The following PTPRD variants were observed in gnomAD, a reference collection of about 807,000 sequenced individuals.
The protein encoded by PTPRD is receptor-type tyrosine-protein phosphatase delta.
Under a neutral mutation model 214.5 loss-of-function variants are expected in PTPRD, and 34 were observed. That is an observed-to-expected ratio of 0.16 (90% CI 0.12 to 0.21). PTPRD has a LOEUF of 0.21. PTPRD is among the 10% of genes least tolerant of loss of function. The pLI is 1.00. For missense variants in PTPRD, 2,545 were observed against 2,398.7 expected (o/e 1.06, Z -1.27); for synonymous variants, 1,128 against 845.7 (o/e 1.33, Z -5.79).
intron 11 of PTPRD, among the ~76,000 whole-genome samples, chr9:8,811,556 C>T (rs2096804134): frequency 6.6e-6 from 1 of 152,064 alleles, no homozygotes; most frequent in Non-Finnish European, 1.5e-5. Flanking sequence ...CACTAAGGAA[C>T]AGAACAATCA....
chr9:9,964,991 A>C (rs2094587042), intron 4 of PTPRD, among the ~76,000 whole-genome samples: 1 of 152,176 alleles, frequency 6.6e-6, no homozygotes, highest in Non-Finnish European at 1.5e-5. Context: ...ATGCTAACAA[A>C]AATTCATAAT....
At chr9:10,376,283 T>C (rs1199053585) in intron 2 of PTPRD, among the ~76,000 whole-genome samples, 6 of 151,918 alleles carry the variant, frequency 3.9e-5, no homozygotes, top group African/African-American at 1.2e-4. Flanking sequence ...TTGGAAACTT[T>C]GGATCTGAAC....
chr9:8,357,427 C>T (rs1315860006), intron 39 of PTPRD, among the ~76,000 whole-genome samples: 1 of 152,140 alleles, frequency 6.6e-6, no homozygotes, highest in African/African-American at 2.4e-5. Context: ...ATTTGGAGAC[C>T]CCAAGCTGCC....
At chr9:9,100,275 C>T (rs1173119203) in intron 10 of PTPRD, among the ~76,000 whole-genome samples, 3 of 152,062 alleles carry the variant, frequency 2.0e-5, no homozygotes, top group African/African-American at 7.2e-5. Context: ...TAGGTATTAC[C>T]ATCTGCTCCC....
chr9:8,799,691 G>T (rs1029206588), intron 11 of PTPRD, among the ~76,000 whole-genome samples: 2 of 151,984 alleles, frequency 1.3e-5, no homozygotes, highest in African/African-American at 4.8e-5. Flanking sequence ...ATGTAGCCAG[G>T]TTCAATTAAC....
intron 3 of PTPRD, among the ~76,000 whole-genome samples, chr9:10,247,014 A>G (rs2092219587): frequency 1.3e-5 from 2 of 152,180 alleles, no homozygotes; most frequent in Admixed American, 1.3e-4. Context: ...AATACTCACT[A>G]ACTTTGTTTA....
At chr9:9,067,281 A>C (rs2099736209) in intron 10 of PTPRD, among the ~76,000 whole-genome samples, 1 of 152,246 alleles carries the variant, frequency 6.6e-6, no homozygotes. Flanking sequence ...TAATACTGTA[A>C]GAATTTTCAA....
intron 21 of PTPRD, among the ~76,000 whole-genome samples, chr9:8,510,337 G>A (rs1313798927): frequency 6.6e-6 from 1 of 152,016 alleles, no homozygotes; most frequent in Non-Finnish European, 1.5e-5. Context: ...AACATGTGGT[G>A]CGAATACAAA....
chr9:9,331,791 C>T (rs1447876759), intron 9 of PTPRD, among the ~76,000 whole-genome samples: 1 of 151,940 alleles, frequency 6.6e-6, no homozygotes, highest in Non-Finnish European at 1.5e-5. Flanking sequence ...AGTGACATAG[C>T]AGAAGAAGGG....
At chr9:10,501,408 G>C (rs1255313058) in intron 2 of PTPRD, among the ~76,000 whole-genome samples, 1 of 151,854 alleles carries the variant, frequency 6.6e-6, no homozygotes, top group Non-Finnish European at 1.5e-5. Flanking sequence ...AGTCATCTGA[G>C]CTCCTTATAT....
chr9:8,391,809 A>G (rs940453183), intron 36 of PTPRD, among the ~76,000 whole-genome samples: 5 of 152,120 alleles, frequency 3.3e-5, no homozygotes, highest in African/African-American at 1.2e-4. Flanking sequence ...GTGTCTGAAC[A>G]ATGCATCTGA....
chr9:10,057,901 G>A (rs1324877550), intron 3 of PTPRD, among the ~76,000 whole-genome samples: 1 of 151,148 alleles, frequency 6.6e-6, no homozygotes, highest in East Asian at 2.0e-4. Flanking sequence ...AGGACTTGAA[G>A]AAGCACACCA....
Position 8,317,011 on chromosome 9 carries a change from G to A in PTPRD, c.*863C>T, listed in dbSNP as rs545915446. The A allele has an allele frequency of 3.0e-5, 7 of 231,262 alleles. No homozygotes were observed. The highest frequency in any genetic ancestry group is 1.8e-4 in the South Asian group (1 of 5,494). The allele number at this position is 231,262 out of a possible 1,614,324, so 14.3% of individuals were successfully genotyped here. On this transcript the variant is annotated 3_prime_UTR_variant, in exon 46 of 46. Coordinates refer to ENST00000381196, the MANE Select transcript of PTPRD (RefSeq NM_002839.4). ...TGTTAGCAGCAACTTTATACTTTGC[G>A]CCTCCCTGTTGATTCCAAAAACAAA...
chr9:8,552,683 G>T (rs2140869838), intron 14 of PTPRD, among the ~76,000 whole-genome samples: 1 of 151,724 alleles, frequency 6.6e-6, no homozygotes, highest in East Asian at 2.0e-4. Context: ...CATGAGCAAT[G>T]CTGGAGGAAA....
At position 9,794,725 on chromosome 9, in the gene PTPRD, G is replaced by A. The variant is rs1372983106; in HGVS notation, c.-367-27874C>T. Among the ~76,000 whole-genome samples, 3 of 152,170 alleles carry A rather than the reference G, an allele frequency of 2.0e-5. No homozygotes were observed. In the East Asian group the frequency reaches 5.8e-4, roughly 29 times the overall value. ...TTACAGATAATAAAACCATGGCTTA[G>A]AGAAGATAAATATTCTGTCTGGAAT... is the stretch of plus-strand genomic sequence containing the variant. On this transcript the variant is annotated intron_variant, in intron 5 of 45. Transcript: ENST00000381196.
Position 9,768,264 on chromosome 9 carries a change from T to G in PTPRD, c.-367-1413A>C, listed in dbSNP as rs1442861891. 3.3e-5 allele frequency among the ~76,000 whole-genome samples: 5 copies of G among 152,286 alleles called. No individual in the cohort carries two copies. The East Asian group carries it at 9.6e-4, about 29-fold the overall frequency. ...TGAATTTTCATGTACAATGAAGCAG[T>G]TGTAAAGATTAAATGAGTCATTACA... On this transcript the variant is annotated intron_variant, in intron 5 of 45. Transcript: ENST00000381196.
chr9:9,643,742 A>G (rs921672851), intron 7 of PTPRD, among the ~76,000 whole-genome samples: 1 of 152,234 alleles, frequency 6.6e-6, no homozygotes, highest in African/African-American at 2.4e-5. Context: ...ATCAGAAGCT[A>G]TATGAATGAT....
At chr9:8,862,097 C>G (rs2098117072) in intron 11 of PTPRD, 1 of 152,304 alleles carries the variant, frequency 6.6e-6, no homozygotes. Flanking sequence ...TGGCTCACAC[C>G]TGTAATCCCA....
chr9:9,469,647 C>T (rs953267815), intron 8 of PTPRD, among the ~76,000 whole-genome samples: 10 of 152,212 alleles, frequency 6.6e-5, no homozygotes, highest in South Asian at 6.2e-4. Context: ...ATATATATTA[C>T]GGTGGATGTG....
Sources: gnomAD v4.1 joint callset for allele counts (sites outside exome capture counted in the v4.1 genomes callset) on GRCh38, gnomAD v4.1.1 for gene constraint, MANE v1.5 for transcripts, NCBI Gene and HGNC (gene_info 2026-07-23, HGNC 2026-07-21) for gene names.